The following TGM5 variants were observed in gnomAD, a reference collection of about 807,000 sequenced individuals.
TGM5 encodes the protein protein-glutamine gamma-glutamyltransferase 5.
A neutral mutation model predicts 77.2 loss-of-function variants in TGM5; 69 were observed. The observed-to-expected ratio is 0.89, with a 90% CI of 0.74 to 1.09. The LOEUF is 1.09. TGM5 is among the 50% of genes least tolerant of loss of function. The probability of loss-of-function intolerance (pLI) is 0.00; values close to 1 mark genes in which losing one functional copy is unlikely to be tolerated. For missense variants in TGM5, 842 were observed against 896.5 expected (o/e 0.94, Z 0.78); for synonymous variants, 346 against 351.8 (o/e 0.98, Z 0.18).
intron 6 of TGM5, among the ~76,000 whole-genome samples, chr15:43,249,363 T>A (rs945041145): frequency 3.9e-5 from 6 of 152,216 alleles, no homozygotes; most frequent in Non-Finnish European, 8.8e-5. Flanking sequence ...CAATCTTTAC[T>A]GTCTAACTCC....
intron 3 of TGM5, among the ~76,000 whole-genome samples, chr15:43,259,681 T>C (rs1489749798): frequency 1.3e-5 from 2 of 152,158 alleles, no homozygotes; most frequent in Non-Finnish European, 2.9e-5. Flanking sequence ...CTTTTCTCTT[T>C]CTTTTTTTTT....
chr15:43,238,930 C>T lies in TGM5; in HGVS notation c.1232G>A (p.Gly411Glu). 6.2e-7 allele frequency: 1 copy of T among 1,614,198 alleles called. No homozygotes were observed. The highest frequency in any genetic ancestry group is 8.5e-7 in the Non-Finnish European group (1 of 1,180,038). The change falls in exon 9 of 13, where the codon GGG becomes GAG. Residue 411 changes from glycine to glutamate, a missense_variant. Physicochemically the swap from Gly to Glu is moderately conservative, Grantham distance 98. Transcript: ENST00000220420. ...GTCCTGGTGAAGCTTCTGCTCCTTC[C>T]CTCCCTGGACGAGCCAGGACATGCA... Reference protein sequence around the residue: ...ADCMSWLVQGGKEQKLHQDTS... With the variant: ...ADCMSWLVQGEKEQKLHQDTS...
At chr15:43,251,429 T>C (rs1337590694) in intron 6 of TGM5, among the ~76,000 whole-genome samples, 1 of 152,104 alleles carries the variant, frequency 6.6e-6, no homozygotes, top group Admixed American at 6.5e-5. Flanking sequence ...GCCTGGCACA[T>C]ATATGCACAC....
intron 6 of TGM5, 192 bp from the exon 7 acceptor site, chr15:43,241,182 T>A (rs2042633516): frequency 5.5e-6 from 4 of 730,548 alleles, no homozygotes; most frequent in Non-Finnish European, 9.2e-6. Context: ...GGAGAGATTC[T>A]AGGCAAAGGT....
Position 43,234,903 on chromosome 15 carries a change from A to C in TGM5, c.1741T>G (p.Tyr581Asp). 6.2e-7 allele frequency: 1 copy of C among 1,614,164 alleles called. No homozygotes were observed. The highest frequency in any genetic ancestry group is 8.5e-7 in the Non-Finnish European group (1 of 1,180,002). Reference protein sequence around the residue: ...EAKTYPCKISYSQYSQYLSTD... With the variant: ...EAKTYPCKISDSQYSQYLSTD... ...GACAGGTACTGGCTGTACTGGGAAT[A>C]GGAGATTTTGCAGGGGTAGGTCTTT... The change falls in exon 11 of 13, where the codon TAT (tyrosine) becomes GAT (aspartate). Residue 581 changes from tyrosine (Y) to aspartate (D), a missense_variant. Tyr to Asp is a radical substitution (Grantham distance 160). Transcript: ENST00000220420.
chr15:43,256,391 A>C (rs773632121), intron 4 of TGM5, among the ~76,000 whole-genome samples, 177 bp downstream of exon 4: 31 of 152,224 alleles, frequency 2.0e-4, no homozygotes, highest in Non-Finnish European at 3.4e-4. Context: ...CAGCAAAGAG[A>C]AAGGCCCTCC....
intron 2 of TGM5, 42 bp downstream of exon 2, chr15:43,260,358 C>T (rs2042776241): frequency 6.2e-7 from 1 of 1,614,092 alleles, no homozygotes; most frequent in African/African-American, 1.3e-5. Flanking sequence ...AAAATCCCCT[C>T]CCAGACACAC....
intron 4 of TGM5, among the ~76,000 whole-genome samples, chr15:43,254,252 T>C (rs569035121): frequency 1.1e-4 from 17 of 152,256 alleles, no homozygotes; most frequent in African/African-American, 4.1e-4. Context: ...GTATGTGCCC[T>C]CTCCGCGTGA....
chr15:43,243,442 C>T (rs1239976717), intron 6 of TGM5, among the ~76,000 whole-genome samples: 1 of 152,234 alleles, frequency 6.6e-6, no homozygotes, highest in Non-Finnish European at 1.5e-5. Flanking sequence ...GATCCAGTCT[C>T]ACCCTTTGCT....
rs779236004 is a variant in TGM5, at chr15:43,233,539, A to C, written c.2009+15T>G. On this transcript the variant is annotated intron_variant, in intron 12 of 12. Transcript: ENST00000220420. ...GGGGAAAAACAGGAGAAGGCTGAGC[A>C]CTTGCAGCACTTACAAGACTTTCTG... The C allele has an allele frequency of 6.2e-7, 1 of 1,614,172 alleles. No homozygotes were observed. The highest frequency in any genetic ancestry group is 1.1e-5 in the South Asian group (1 of 91,082).
chr15:43,246,201 A>G (rs1231003431), intron 6 of TGM5, among the ~76,000 whole-genome samples: 2 of 152,362 alleles, frequency 1.3e-5, no homozygotes, highest in South Asian at 2.1e-4. Flanking sequence ...CAACTGTCTC[A>G]GTGTCTTCAA....
rs1016291082 is a variant in TGM5, at chr15:43,260,463, G to C, written c.127C>G (p.Leu43Val). 6.2e-7 allele frequency: 1 copy of C among 1,614,216 alleles called. No homozygotes were observed. The highest frequency in any genetic ancestry group is 8.5e-7 in the Non-Finnish European group (1 of 1,180,032). Residue 43 changes from leucine to valine, a missense_variant, in exon 2 of 13, where the codon CTG becomes GTG. Transcript: ENST00000220420. ...TGGAAGCTCCGGTTCCTGAAGTACA[G>C]GGTGAGGTTGAAGGCCTGGCCCCGG... Reference protein sequence around the residue: ...VRRGQAFNLTLYFRNRSFQPG... With the variant: ...VRRGQAFNLTVYFRNRSFQPG...
At chr15:43,246,618 CA>C (rs2042671575) in intron 6 of TGM5, among the ~76,000 whole-genome samples, 2 of 152,112 alleles carry the variant, frequency 1.3e-5, no homozygotes, top group Admixed American at 1.3e-4. Flanking sequence ...GCAGTCTTAA[CA>C]AGTTAACGAG....
chr15:43,234,860 C>T lies in TGM5; in HGVS notation c.1784G>A (p.Arg595His), dbSNP rs145147059. ...TTTCTCTTCACCCAGGGCACTGATGCGGATCAGCTTGTCTGTTGACAGGTA... is the reference window on the plus strand; with the variant it reads ...TTTCTCTTCACCCAGGGCACTGATGTGGATCAGCTTGTCTGTTGACAGGTA... ...SQYLSTDKLI[R>H]ISALGEEKSS... The change falls in exon 11 of 13, where the codon CGC becomes CAC. Residue 595 changes from arginine (R) to histidine (H), a missense_variant. By Grantham distance (29) the Arg-to-His change is conservative. Coordinates refer to ENST00000220420, the MANE Select transcript of TGM5 (RefSeq NM_201631.4). 2.0e-5 allele frequency: 32 copies of T among 1,614,056 alleles called. No individual in the cohort carries two copies. Among genetic ancestry groups the T allele is most frequent in the East Asian group, 2.2e-5 (1 of 44,892 alleles).
rs148505923 is a variant in TGM5 at position 43,236,469 on chromosome 15, C to T, written c.1346-632G>A. ...CTATCCTGGGGGTCCCTGTGGGCCG[C>T]ATGTGCAGGAATACTTGCCCACGCC... On this transcript the variant is annotated intron_variant, in intron 9 of 12. Transcript: ENST00000220420. 3.9e-4 allele frequency among the ~76,000 whole-genome samples: 59 copies of T among 152,318 alleles called. No homozygotes were observed. The East Asian group carries it at 0.01, about 27-fold the overall frequency.
intron 11 of TGM5, among the ~76,000 whole-genome samples, chr15:43,234,444 T>C (rs976909256): frequency 3.3e-5 from 5 of 152,132 alleles, no homozygotes; most frequent in African/African-American, 1.2e-4. Flanking sequence ...CAGACAGGGC[T>C]CTCCCCCGAC....
rs141033984 is a variant in TGM5 at position 43,260,092 on chromosome 15, C to G, written c.396G>C (p.Gln132His). Residue 132 changes from glutamine (Q) to histidine (H), a missense_variant, in exon 3 of 13, where the codon CAG becomes CAC. Physicochemically the swap from Gln to His is conservative, Grantham distance 24. Transcript: ENST00000220420. ...DSFQGSVTAY[Q>H]LGEFILLFNP... ...TGAAAAGCAGGATGAACTCCCCTAGCTGGTAGGCCGTCACAGACCCCTGGA... is the reference window on the plus strand; with the variant it reads ...TGAAAAGCAGGATGAACTCCCCTAGGTGGTAGGCCGTCACAGACCCCTGGA... 7.4e-5 allele frequency: 120 copies of G among 1,614,142 alleles called. No individual in the cohort carries two copies. In the African/African-American group the frequency reaches 1.5e-3, roughly 20 times the overall value.
intron 4 of TGM5, among the ~76,000 whole-genome samples, chr15:43,254,178 T>C (rs2042727744): frequency 6.6e-6 from 1 of 152,206 alleles, no homozygotes; most frequent in Admixed American, 6.5e-5. Context: ...TCAGACTTGG[T>C]GTGAATGCCA....
chr15:43,261,066 T>G (rs866731527), intron 1 of TGM5, among the ~76,000 whole-genome samples: 13 of 70,808 alleles, frequency 1.8e-4, no homozygotes, highest in Non-Finnish European at 2.6e-4. Flanking sequence ...CTTCCTTTTT[T>G]TGTGTGTGTG....
Sources: allele counts gnomAD v4.1 joint callset (sites outside exome capture counted in the v4.1 genomes callset), GRCh38; gene constraint gnomAD v4.1.1; transcripts MANE v1.5; gene names NCBI Gene and HGNC (gene_info 2026-07-23, HGNC 2026-07-21).